The following SLC1A2 variants were observed in gnomAD, a reference collection of about 807,000 sequenced individuals.
SLC1A2 encodes the protein excitatory amino acid transporter 2.
A neutral mutation model predicts 48.8 loss-of-function variants in SLC1A2; 15 were observed. The ratio of observed to expected loss-of-function variants is 0.31; its 90% CI spans 0.21 to 0.47. The LOEUF (loss-of-function observed/expected upper bound fraction) is 0.47, where lower values mean the gene tolerates loss of function less well. Among genes scored for constraint, SLC1A2 ranks in the 20% least tolerant of loss-of-function variants. The probability of loss-of-function intolerance (pLI) is 0.99; values close to 1 mark genes in which losing one functional copy is unlikely to be tolerated. For missense variants in SLC1A2, 502 were observed against 730.5 expected (o/e 0.69, Z 3.61); for synonymous variants, 279 against 272.6 (o/e 1.02, Z -0.23).
At chr11:35,300,673 T>C (rs79869810) in intron 6 of SLC1A2, among the ~76,000 whole-genome samples, 2,428 of 152,268 alleles carry the variant, frequency 0.016, 66 homozygotes, top group African/African-American at 0.056. Context: ...TTTGTTATAA[T>C]AGATGGAAAG....
intron 4 of SLC1A2, chr11:35,307,382 T>C (rs1055535155): frequency 6.6e-6 from 1 of 152,222 alleles, no homozygotes. Context: ...TCCCCAAGTG[T>C]CTCTGTCAGA....
At chr11:35,309,941 A>T (rs1488498644) in intron 4 of SLC1A2, among the ~76,000 whole-genome samples, 3 of 152,300 alleles carry the variant, frequency 2.0e-5, no homozygotes, top group Admixed American at 2.0e-4. Flanking sequence ...TTTTGGCAAT[A>T]GAAAGTTGGG....
At chr11:35,312,826 A>G (rs1444973850) in intron 3 of SLC1A2, among the ~76,000 whole-genome samples, 1 of 152,128 alleles carries the variant, frequency 6.6e-6, no homozygotes, top group Non-Finnish European at 1.5e-5. Context: ...TTTTTTCTCA[A>G]ATATTTTCAA....
chr11:35,262,314 G>A (rs562595236), intron 10 of SLC1A2, among the ~76,000 whole-genome samples: 3 of 152,278 alleles, frequency 2.0e-5, no homozygotes, highest in African/African-American at 7.2e-5. Flanking sequence ...CAGCACTTGG[G>A]GGGAAGTGTT....
At chr11:35,360,580 T>C (rs1254774161) in intron 1 of SLC1A2, among the ~76,000 whole-genome samples, 1 of 152,216 alleles carries the variant, frequency 6.6e-6, no homozygotes. Flanking sequence ...AATCCCAGTG[T>C]AGAAGAAACT....
At chr11:35,303,633 C>A (rs796595971) in intron 5 of SLC1A2, among the ~76,000 whole-genome samples, 1 of 151,980 alleles carries the variant, frequency 6.6e-6, no homozygotes, top group Non-Finnish European at 1.5e-5. Context: ...AGAAAATGCC[C>A]GAGGTATCAA....
rs746274586 is a variant in SLC1A2 at position 35,256,044 on chromosome 11, G to A, written c.*4850C>T. 6.6e-6 allele frequency: 1 copy of A among 152,298 alleles called. No individual in the cohort carries two copies. Among genetic ancestry groups the A allele is most frequent in the South Asian group, 2.1e-4 (1 of 4,818 alleles). 9.4% of individuals were successfully genotyped at this position (152,298 alleles called of 1,614,324 possible). ...CAAAGCAGAGATCATAATACATTGG[G>A]CTCATAGGGCTGGAAGGGGATTTTA... On this transcript the variant is annotated 3_prime_UTR_variant, in exon 11 of 11. Coordinates refer to ENST00000278379, the MANE Select transcript of SLC1A2 (RefSeq NM_004171.4).
chr11:35,292,989 CAG>C (rs144246892), intron 6 of SLC1A2, among the ~76,000 whole-genome samples: 27 of 149,934 alleles, frequency 1.8e-4, no homozygotes, highest in South Asian at 2.1e-4. Flanking sequence ...GAGAGAGAGA[CAG>C]AGAGAGAGAG....
At chr11:35,407,802 C>T (rs1370034974) in intron 1 of SLC1A2, among the ~76,000 whole-genome samples, 3 of 152,194 alleles carry the variant, frequency 2.0e-5, no homozygotes, top group South Asian at 2.1e-4. Flanking sequence ...CCCCGCACCC[C>T]GTGAATCACC....
chr11:35,390,160 CACAA>C (rs1326678209), intron 1 of SLC1A2, among the ~76,000 whole-genome samples: 1 of 152,132 alleles, frequency 6.6e-6, no homozygotes, highest in Non-Finnish European at 1.5e-5. Context: ...AAGACAAAAA[CACAA>C]ACAAAAAACC....
chr11:35,375,408 CA>C (rs1472761920), intron 1 of SLC1A2, among the ~76,000 whole-genome samples: 4 of 152,170 alleles, frequency 2.6e-5, no homozygotes, highest in Non-Finnish European at 5.9e-5. Flanking sequence ...GGTGAGAGGA[CA>C]AAAACCCCCA....
At chr11:35,409,772 C>T (rs527982981) in intron 1 of SLC1A2, among the ~76,000 whole-genome samples, 10 of 152,104 alleles carry the variant, frequency 6.6e-5, no homozygotes, top group African/African-American at 1.9e-4. Context: ...AGCCAGGCAT[C>T]GTGGTGCGTA....
chr11:35,288,342 G>A (rs1368833599), intron 7 of SLC1A2, among the ~76,000 whole-genome samples: 2 of 152,112 alleles, frequency 1.3e-5, no homozygotes, highest in Non-Finnish European at 2.9e-5. Context: ...GTTTGTTGGG[G>A]GACATCTCAT....
chr11:35,371,264 G>A (rs1389919799), intron 1 of SLC1A2, among the ~76,000 whole-genome samples: 2 of 152,118 alleles, frequency 1.3e-5, no homozygotes, highest in African/African-American at 4.8e-5. Flanking sequence ...CTTTGATACA[G>A]CACCAACTTG....
chr11:35,317,208 G>A (rs1249372618), intron 2 of SLC1A2, 169 bp downstream of exon 2: 1 of 610,964 alleles, frequency 1.6e-6, no homozygotes, highest in Non-Finnish European at 2.8e-6. Flanking sequence ...AATGGCTAGA[G>A]GAGGTAAGGA....
chr11:35,401,955 CTG>C (rs1855152353), intron 1 of SLC1A2, among the ~76,000 whole-genome samples: 1 of 152,146 alleles, frequency 6.6e-6, no homozygotes, highest in African/African-American at 2.4e-5. Flanking sequence ...CTTTTACTTC[CTG>C]TGCCCCCACC....
At chr11:35,265,813 G>T in intron 9 of SLC1A2, 55 bp from the exon 10 acceptor site, 1 of 1,125,848 alleles carries the variant, frequency 8.9e-7, no homozygotes, top group African/African-American at 1.5e-5. Context: ...TGTGGTAGTT[G>T]AGAGGTCAAG....
chr11:35,395,083 T>C (rs1374285208), intron 1 of SLC1A2, among the ~76,000 whole-genome samples: 19 of 151,966 alleles, frequency 1.3e-4, no homozygotes, highest in African/African-American at 4.6e-4. Context: ...CACCCCCCAA[T>C]GAACAACAAT....
chr11:35,382,534 G>A (rs904415295), intron 1 of SLC1A2, among the ~76,000 whole-genome samples: 67 of 152,198 alleles, frequency 4.4e-4, no homozygotes, highest in Non-Finnish European at 1.3e-4. Flanking sequence ...GGTGGCTCAC[G>A]CCTATAATCC....
Sources: gnomAD v4.1 joint callset for allele counts (sites outside exome capture counted in the v4.1 genomes callset) on GRCh38, gnomAD v4.1.1 for gene constraint, MANE v1.5 for transcripts, NCBI Gene and HGNC (gene_info 2026-07-23, HGNC 2026-07-21) for gene names.